AFAP1: variants seen among roughly 807,000 people sequenced by gnomAD.
AFAP1 encodes actin filament associated protein 1, also known as actin filament-associated protein 1.
AFAP1 carries 75 observed loss-of-function variants against 93.9 expected under a neutral mutation model. The ratio of observed to expected loss-of-function variants is 0.80; its 90% CI spans 0.66 to 0.97. The LOEUF is 0.97. AFAP1 is among the 50% of genes least tolerant of loss of function. The pLI is 0.00. For synonymous variants in AFAP1, 517 were observed against 430.7 expected, an observed-to-expected ratio of 1.20 and a Z score of -2.48; for missense variants, 1,201 against 1,050.8, an observed-to-expected ratio of 1.14 and a Z score of -1.98.
chr4:7,889,242 G>A (rs957039018), intron 1 of AFAP1, among the ~76,000 whole-genome samples: 24 of 152,074 alleles, frequency 1.6e-4, no homozygotes, highest in Middle Eastern at 3.2e-3. Flanking sequence ...CTAAAATGAG[G>A]AATACAGGGG....
chr4:7,848,280 G>C (rs1470283390), intron 4 of AFAP1, among the ~76,000 whole-genome samples: 3 of 150,852 alleles, frequency 2.0e-5, no homozygotes, highest in Non-Finnish European at 1.5e-5. Context: ...ATTTATTAGG[G>C]GGGATGGCTC....
rs749167235 is a variant in AFAP1 at position 7,786,234 on chromosome 4, G to A, written c.1490C>T (p.Thr497Met). ...CGGGACATCGTCATAATGAAGTGCC[G>A]TCCCGCTGGGGTGGGCATAGCCGTT... is the stretch of plus-strand genomic sequence containing the variant. ...TSNGYAHPSGTALHYDDVPCI... is the reference protein window; with the variant it reads ...TSNGYAHPSGMALHYDDVPCI... The change falls in exon 12 of 18, where the codon ACG becomes ATG. Residue 497 changes from threonine (T) to methionine (M), a missense_variant. Transcript: ENST00000420658. The A allele has an allele frequency of 4.0e-5, 65 of 1,614,020 alleles. No homozygotes were observed. In the East Asian group the frequency reaches 7.1e-4, roughly 18 times the overall value.
chr4:7,935,072 C>T (rs2149247994), intron 1 of AFAP1, among the ~76,000 whole-genome samples: 2 of 152,302 alleles, frequency 1.3e-5, no homozygotes, highest in South Asian at 4.1e-4. Context: ...CCCCAACAGA[C>T]ACATTAAGAC....
At chr4:7,779,090 C>A in intron 13 of AFAP1, 1 of 560,904 alleles carries the variant, frequency 1.8e-6, no homozygotes, top group Non-Finnish European at 3.2e-6. Flanking sequence ...ACGGCAGAGG[C>A]TCTGTAGGAT....
chr4:7,820,484 G>C (rs1720873854), intron 6 of AFAP1, among the ~76,000 whole-genome samples: 1 of 152,162 alleles, frequency 6.6e-6, no homozygotes, highest in African/African-American at 2.4e-5. Context: ...TCAAGGAGTA[G>C]AGTTAAAGGA....
At chr4:7,806,861 A>C (rs73208818) in intron 9 of AFAP1, among the ~76,000 whole-genome samples, 11,264 of 152,214 alleles carry the variant, frequency 0.074, 556 homozygotes, top group Non-Finnish European at 0.11. Context: ...TGAGCGACCA[A>C]CTGTGCTTCC....
chr4:7,916,859 G>A (rs1560235062), intron 1 of AFAP1, among the ~76,000 whole-genome samples: 1 of 152,182 alleles, frequency 6.6e-6, no homozygotes, highest in Admixed American at 6.5e-5. Flanking sequence ...CCCAGGGCCA[G>A]TGGACCACTC....
chr4:7,852,347 C>G (rs1714535236), intron 4 of AFAP1, among the ~76,000 whole-genome samples: 3 of 152,166 alleles, frequency 2.0e-5, no homozygotes, highest in Non-Finnish European at 2.9e-5. Flanking sequence ...TTTCATTAAA[C>G]TGGAAGCAGA....
chr4:7,890,493 CTAATATA>C (rs1208986892), intron 1 of AFAP1, among the ~76,000 whole-genome samples: 13 of 151,982 alleles, frequency 8.6e-5, no homozygotes, highest in African/African-American at 3.1e-4. Context: ...AGCAGAAGTA[CTAATATA>C]TAAGAAAAAA....
intron 1 of AFAP1, among the ~76,000 whole-genome samples, chr4:7,907,066 C>T (rs1719452973): frequency 1.3e-5 from 2 of 151,308 alleles, no homozygotes; most frequent in Admixed American, 6.6e-5. Flanking sequence ...CTATGCAACA[C>T]AGAGAAATGC....
intron 6 of AFAP1, among the ~76,000 whole-genome samples, chr4:7,825,281 A>G (rs1721323816): frequency 6.6e-6 from 1 of 151,750 alleles, no homozygotes; most frequent in African/African-American, 2.4e-5. Flanking sequence ...CCTTTCCATC[A>G]CTCTAGCGCA....
At chr4:7,922,536 C>T (rs184017348) in intron 1 of AFAP1, among the ~76,000 whole-genome samples, 2 of 152,330 alleles carry the variant, frequency 1.3e-5, no homozygotes, top group East Asian at 3.9e-4. Context: ...CTAAGTGCAG[C>T]TCTCAGGCTG....
intron 10 of AFAP1, among the ~76,000 whole-genome samples, chr4:7,797,447 C>T (rs561633263): frequency 5.9e-5 from 9 of 152,156 alleles, no homozygotes; most frequent in African/African-American, 1.7e-4. Context: ...CCTGATGTAA[C>T]GCAGCATGAA....
chr4:7,904,777 G>A (rs547278821), intron 1 of AFAP1, among the ~76,000 whole-genome samples: 5 of 152,150 alleles, frequency 3.3e-5, no homozygotes, highest in Non-Finnish European at 2.9e-5. Context: ...CGCGATGATG[G>A]TTCACTGCAG....
chr4:7,890,022 A>G (rs918427187), intron 1 of AFAP1, among the ~76,000 whole-genome samples: 26 of 150,850 alleles, frequency 1.7e-4, no homozygotes, highest in African/African-American at 4.9e-4. Context: ...AAAAAAAAAA[A>G]AAGAAGCCAA....
At chr4:7,793,081 C>A (rs1368166811) in intron 11 of AFAP1, among the ~76,000 whole-genome samples, 1 of 152,154 alleles carries the variant, frequency 6.6e-6, no homozygotes, top group African/African-American at 2.4e-5. Context: ...ATACCAAGAA[C>A]TGCTGCTACA....
At chr4:7,784,270 G>A (rs1717056241) in intron 12 of AFAP1, among the ~76,000 whole-genome samples, 1 of 152,134 alleles carries the variant, frequency 6.6e-6, no homozygotes, top group Admixed American at 6.5e-5. Context: ...GGACTCTGAA[G>A]CTAGGATGGG....
chr4:7,926,907 T>C lies in AFAP1; in HGVS notation c.-3+12749A>G, dbSNP rs1720801834. ...CCCGCCACCATGCCCAGCTAATTTT[T>C]GCATTTTTAGTAGAGAAGGGGTTTC... is the stretch of plus-strand genomic sequence containing the variant. On this transcript the variant is annotated intron_variant, in intron 1 of 17. Transcript: ENST00000420658. Among the ~76,000 whole-genome samples the C allele has an allele frequency of 2.0e-5, 3 of 152,184 alleles. No homozygotes were observed. In the South Asian group the frequency reaches 6.2e-4, roughly 32 times the overall value.
At chr4:7,778,999 G>T in intron 13 of AFAP1, 123 bp from the exon 14 acceptor site, 2 of 734,176 alleles carry the variant, frequency 2.7e-6, no homozygotes, top group Non-Finnish European at 4.4e-6. Context: ...CATAGATGGA[G>T]GAAAAATCGA....
Sources: gnomAD v4.1 joint callset for allele counts (sites outside exome capture counted in the v4.1 genomes callset) on GRCh38, gnomAD v4.1.1 for gene constraint, MANE v1.5 for transcripts, NCBI Gene and HGNC (gene_info 2026-07-23, HGNC 2026-07-21) for gene names.